Variants in NEDD9 observed in about 807,000 individuals in gnomAD.
The protein encoded by NEDD9 is neural precursor cell expressed, developmentally down-regulated 9.
A neutral mutation model predicts 76.6 loss-of-function variants in NEDD9; 26 were observed. The observed-to-expected ratio is 0.34, with a 90% CI of 0.25 to 0.47. The LOEUF (loss-of-function observed/expected upper bound fraction) is 0.47, where lower values mean the gene tolerates loss of function less well. NEDD9 is among the 20% of genes least tolerant of loss of function. The probability of loss-of-function intolerance (pLI) is 1.00; values close to 1 mark genes in which losing one functional copy is unlikely to be tolerated. For missense variants in NEDD9, 937 were observed against 1,058.5 expected, an observed-to-expected ratio of 0.89 and a Z score of 1.59; for synonymous variants, 392 against 414.2, an observed-to-expected ratio of 0.95 and a Z score of 0.65.
chr6:11,324,324 C>G (rs1264492729), intron 2 of NEDD9, among the ~76,000 whole-genome samples: 1 of 152,160 alleles, frequency 6.6e-6, no homozygotes, highest in East Asian at 1.9e-4. Context: ...GGTAGTGAAT[C>G]TCTGGCTGCC....
chr6:11,291,041 T>A (rs1483051051), intron 3 of NEDD9, among the ~76,000 whole-genome samples: 1 of 151,994 alleles, frequency 6.6e-6, no homozygotes, highest in African/African-American at 2.4e-5. Flanking sequence ...GGCCCCGAGA[T>A]ACTGGAGCCC....
At chr6:11,301,538 C>T (rs1380839702) in intron 3 of NEDD9, among the ~76,000 whole-genome samples, 1 of 152,222 alleles carries the variant, frequency 6.6e-6, no homozygotes, top group Non-Finnish European at 1.5e-5. Context: ...CTACAGAACT[C>T]TCCACCCCAA....
At position 11,190,397 on chromosome 6, in the gene NEDD9, C is replaced by T. The variant is rs780340745; in HGVS notation, c.1472G>A (p.Arg491Gln). The T allele has an allele frequency of 3.1e-6, 5 of 1,614,192 alleles. No homozygotes were observed. Among genetic ancestry groups the T allele is most frequent in the Non-Finnish European group, 4.2e-6 (5 of 1,180,038 alleles). The change falls in exon 5 of 7, where the codon CGA becomes CAA. Residue 491 changes from arginine to glutamine, a missense_variant. Transcript: ENST00000379446. The surrounding 1 kb of genome is among the most constrained non-coding windows in gnomAD (Gnocchi z 5.8). ...LHNKMKRELQRVEDSHQILSQ... is the reference protein window; with the variant it reads ...LHNKMKRELQQVEDSHQILSQ... Reference sequence around the variant, plus strand: ...CAGGATCTGGTGGGAGTCTTCAACTCGTTGCAGCTCCCGCTTCATCTTGTT... The same window carrying T: ...CAGGATCTGGTGGGAGTCTTCAACTTGTTGCAGCTCCCGCTTCATCTTGTT...
chr6:11,323,056 A>G (rs1761845935), intron 2 of NEDD9, among the ~76,000 whole-genome samples: 1 of 152,208 alleles, frequency 6.6e-6, no homozygotes, highest in Admixed American at 6.5e-5. Context: ...CTCTTTGAAG[A>G]TTAAAAGAGA....
rs995299656 is a variant in NEDD9 at position 11,370,369 on chromosome 6, G to A, written c.-214+11770C>T. On this transcript the variant is annotated intron_variant, in intron 1 of 3. Coordinates refer to the NEDD9 transcript ENST00000397378. The surrounding 1 kb of genome is among the most constrained non-coding windows in gnomAD (Gnocchi z 4.2). ...TTTTCAATCAGGCTGTTATTCAAAT[G>A]CTGGAGCGGATCCAAATTTGCTTTC... Among the ~76,000 whole-genome samples, 4 of 152,176 alleles carry A rather than the reference G, an allele frequency of 2.6e-5. No individual in the cohort carries two copies. The highest frequency in any genetic ancestry group is 5.9e-5 in the Non-Finnish European group (4 of 68,032).
chr6:11,214,770 T>C (rs1051039093), intron 1 of NEDD9, among the ~76,000 whole-genome samples: 1 of 152,330 alleles, frequency 6.6e-6, no homozygotes, highest in South Asian at 2.1e-4. Flanking sequence ...GGGACGTTGT[T>C]GATTCAGCAC....
intron 2 of NEDD9, among the ~76,000 whole-genome samples, chr6:11,332,337 T>G (rs968800591): frequency 2.6e-5 from 4 of 152,222 alleles, no homozygotes; most frequent in African/African-American, 9.6e-5. Flanking sequence ...CAAGGACTAC[T>G]TCACTGAGTG....
chr6:11,314,013 A>G (rs1016773815), intron 2 of NEDD9, among the ~76,000 whole-genome samples: 3 of 152,138 alleles, frequency 2.0e-5, no homozygotes, highest in Non-Finnish European at 2.9e-5. Flanking sequence ...AATAAAATTT[A>G]TTTTTTTCTA....
At chr6:11,376,423 T>C (rs745632470) in intron 1 of NEDD9, among the ~76,000 whole-genome samples, 15 of 152,172 alleles carry the variant, frequency 9.9e-5, no homozygotes, top group Admixed American at 7.9e-4. Context: ...AGGTCTCAGA[T>C]GGAAATGAGA....
chr6:11,246,511 G>A (rs1261160045), intron 3 of NEDD9, among the ~76,000 whole-genome samples: 1 of 152,122 alleles, frequency 6.6e-6, no homozygotes, highest in Admixed American at 6.5e-5. Flanking sequence ...GAAGAATCAA[G>A]ATCTCATGCC....
intron 3 of NEDD9, among the ~76,000 whole-genome samples, chr6:11,258,261 G>C (rs531776277): frequency 7.2e-5 from 11 of 152,140 alleles, no homozygotes; most frequent in Admixed American, 7.2e-4. Context: ...TGCTTACCAG[G>C]GAGGCTCAGG....
chr6:11,319,968 G>A (rs1761749351), intron 2 of NEDD9, among the ~76,000 whole-genome samples: 1 of 152,090 alleles, frequency 6.6e-6, no homozygotes, highest in African/African-American at 2.4e-5. Flanking sequence ...ATAGAAGAGA[G>A]GAAAAAAATA....
rs1240535807 is a variant in NEDD9 at position 11,190,483 on chromosome 6, G to A, written c.1386C>T (p.Tyr462=). ...CAACAGCTCCCTTGACAAAGTGGAGGTACTCCTTCAGGAACAGCTCCACCT... is the reference window on the plus strand; with the variant it reads ...CAACAGCTCCCTTGACAAAGTGGAGATACTCCTTCAGGAACAGCTCCACCT... ...VDKVELFLKE[Y]LHFVKGAVAN... is the part of the protein sequence containing the mutation. The change falls in exon 5 of 7, where the codon TAC becomes TAT. Residue 462 remains tyrosine, a synonymous_variant. Transcript: ENST00000379446. This position sits in a 1 kb window ranked among gnomAD's most constrained non-coding sequence, Gnocchi z 5.8. 1 of 1,614,076 alleles carries A rather than the reference G, an allele frequency of 6.2e-7. No homozygotes were observed. The highest frequency in any genetic ancestry group is 8.5e-7 in the Non-Finnish European group (1 of 1,180,036).
At chr6:11,319,554 A>T (rs1761703866) in intron 2 of NEDD9, among the ~76,000 whole-genome samples, 1 of 126,302 alleles carries the variant, frequency 7.9e-6, no homozygotes, top group African/African-American at 3.0e-5. Flanking sequence ...ACACACTAAC[A>T]TGCGGACACA....
intron 3 of NEDD9, among the ~76,000 whole-genome samples, chr6:11,300,478 G>T (rs1761019460): frequency 1.3e-5 from 2 of 152,094 alleles, no homozygotes; most frequent in South Asian, 2.1e-4. Context: ...ACCTAGCAAG[G>T]CAGGCCAACA....
intron 1 of NEDD9, among the ~76,000 whole-genome samples, chr6:11,351,698 C>T (rs1199059148): frequency 6.6e-6 from 1 of 152,252 alleles, no homozygotes; most frequent in Admixed American, 6.5e-5. Context: ...CATGCCTCTC[C>T]ATGACTGTCC....
At chr6:11,205,090 C>T (rs1421511752) in intron 2 of NEDD9, among the ~76,000 whole-genome samples, 3 of 152,152 alleles carry the variant, frequency 2.0e-5, no homozygotes, top group East Asian at 1.9e-4. Flanking sequence ...ATCCTTCAGC[C>T]GGGATGTAAA....
intron 2 of NEDD9, among the ~76,000 whole-genome samples, chr6:11,319,564 ACACACTAATATGCACT>A (rs1761705691): frequency 6.7e-6 from 1 of 149,630 alleles, no homozygotes; most frequent in Non-Finnish European, 1.5e-5. Context: ...ATGCGGACAC[ACACACTAATATGCACT>A]CACACTAACG....
intron 1 of NEDD9, among the ~76,000 whole-genome samples, chr6:11,349,712 T>C (rs553839791): frequency 2.1e-3 from 315 of 152,186 alleles, no homozygotes; most frequent in Non-Finnish European, 3.2e-3. Context: ...AAGTGGGAGC[T>C]AAATAATAAG....
Sources: gnomAD v4.1 joint callset for allele counts (sites outside exome capture counted in the v4.1 genomes callset) on GRCh38, gnomAD v4.1.1 for gene constraint, Gnocchi (gnomAD v3.1) non-coding constraint, MANE v1.5 for transcripts, NCBI Gene and HGNC (gene_info 2026-07-23, HGNC 2026-07-21) for gene names.